TUBGCP2: variants seen among roughly 807,000 people sequenced by gnomAD.
TUBGCP2 encodes gamma-tubulin complex component 2.
Under a neutral mutation model 92.2 loss-of-function variants are expected in TUBGCP2, and 55 were observed. The ratio of observed to expected loss-of-function variants is 0.60; its 90% CI spans 0.48 to 0.75. The LOEUF (loss-of-function observed/expected upper bound fraction) is 0.75. Among genes scored for constraint, TUBGCP2 ranks in the 30% least tolerant of loss-of-function variants. The pLI is 0.00. For synonymous variants in TUBGCP2, 533 were observed against 505.2 expected (o/e 1.06, Z -0.74); for missense variants, 1,093 against 1,188.9 (o/e 0.92, Z 1.19).
At chr10:133,312,286 G>A, upstream of TUBGCP2, 1 of 1,249,602 alleles carries the variant, frequency 8.0e-7, no homozygotes, top group African/African-American at 1.5e-5. Flanking sequence ...TGTACTGTCT[G>A]CCTTTCTAGC....
intron 15 of TUBGCP2, among the ~76,000 whole-genome samples, chr10:133,282,832 C>A (rs1589821049): frequency 6.6e-6 from 1 of 152,236 alleles, no homozygotes; most frequent in Admixed American, 6.5e-5. Context: ...CGGACAGAGA[C>A]CAGCACCACA....
intron 11 of TUBGCP2, among the ~76,000 whole-genome samples, chr10:133,287,697 T>C (rs1019308027): frequency 6.6e-6 from 1 of 150,954 alleles, no homozygotes; most frequent in African/African-American, 2.4e-5. Flanking sequence ...GCTGAGATCA[T>C]GCCACTGCAC....
chr10:133,292,785 T>C (rs1018599753), intron 7 of TUBGCP2, 97 bp from the exon 8 acceptor site: 131 of 1,408,370 alleles, frequency 9.3e-5, no homozygotes, highest in Non-Finnish European at 1.2e-4. Flanking sequence ...TCCAACCTTC[T>C]TCCTGGGACG....
At chr10:133,284,399 G>C (rs1847076214) in intron 13 of TUBGCP2, among the ~76,000 whole-genome samples, 1 of 152,226 alleles carries the variant, frequency 6.6e-6, no homozygotes, top group Non-Finnish European at 1.5e-5. Flanking sequence ...GGGTCTTGCT[G>C]TCGCTCAGAC....
chr10:133,283,232 C>T lies in TUBGCP2; in HGVS notation c.2146-11G>A, dbSNP rs1431391902. On this transcript the variant is annotated splice_polypyrimidine_tract_variant and intron_variant, in intron 14 of 17. Transcript: ENST00000252936. ...GTCAATGTTGGAGGCCTGCGGGGAA[C>T]AGGCCAAGCCCCTTCTCAGAAAGAC... 6.2e-7 allele frequency: 1 copy of T among 1,613,872 alleles called. No individual in the cohort carries two copies. Among genetic ancestry groups the T allele is most frequent in the East Asian group, 2.2e-5 (1 of 44,866 alleles).
upstream of TUBGCP2, chr10:133,309,974 C>T (rs1431275507): frequency 1.2e-6 from 2 of 1,612,756 alleles, no homozygotes; most frequent in Admixed American, 3.3e-5. Context: ...AGAGGCAGGA[C>T]ATGGTGGGTG....
At chr10:133,300,998 T>C (rs2136136470) in intron 2 of TUBGCP2, among the ~76,000 whole-genome samples, 1 of 152,238 alleles carries the variant, frequency 6.6e-6, no homozygotes, top group African/African-American at 2.4e-5. Flanking sequence ...GAGTAGCGAC[T>C]TACCTTTTCC....
At chr10:133,289,777 G>A in intron 9 of TUBGCP2, 47 bp downstream of exon 9, 4 of 69,604 alleles carry the variant, frequency 5.7e-5, no homozygotes, top group East Asian at 5.1e-4. Context: ...AGACTCTCCA[G>A]GCAGAGCTGT....
rs765603563 is a variant in TUBGCP2, at chr10:133,283,973, C to T, written c.2054G>A (p.Arg685Gln). ...AATATTCTGGACGAAGTTGAGCATT[C>T]GCTGCCGCAGAGTGAAAGCCCCAGC... ...WFAGAFTLRQ[R>Q]MLNFVQNIQY... The change falls in exon 14 of 18, where the codon CGA (arginine) becomes CAA (glutamine). Residue 685 changes from arginine to glutamine, a missense_variant. Arg to Gln is a conservative substitution (Grantham distance 43). Transcript: ENST00000252936. The T allele has an allele frequency of 1.9e-5, 30 of 1,613,878 alleles. No individual in the cohort carries two copies. Among genetic ancestry groups the T allele is most frequent in the African/African-American group, 4.0e-5 (3 of 74,926 alleles).
At chr10:133,299,390 G>A in intron 4 of TUBGCP2, 37 bp downstream of exon 4, 2 of 1,528,262 alleles carry the variant, frequency 1.3e-6, no homozygotes, top group Admixed American at 2.0e-5. Context: ...AGGACCTGCT[G>A]CAGCATGGAG....
Position 133,282,305 on chromosome 10 carries a change from C to T in TUBGCP2, c.2327G>A (p.Gly776Asp), listed in dbSNP as rs753123920. ...GGTGCTGTGCTCCAGCGTCTGCCCG[C>T]CCAGCTCGCCATCTAATTTCATGCT... ...TQSMKLDGEL[G>D]GQTLEHSTVL... The change falls in exon 16 of 18, where the codon GGC becomes GAC. Residue 776 changes from glycine to aspartate, a missense_variant. Around this residue, in one of 3 missense-constraint regions of TUBGCP2, gnomAD observed 598 missense variants for 675.5 expected, o/e 0.89. Transcript: ENST00000252936. 3 of 1,606,126 alleles carry T rather than the reference C, an allele frequency of 1.9e-6. No individual in the cohort carries two copies. Among genetic ancestry groups the T allele is most frequent in the Non-Finnish European group, 2.6e-6 (3 of 1,174,902 alleles).
chr10:133,279,537 T>A lies in TUBGCP2; in HGVS notation c.*229A>T. 1 of 622,722 alleles carries A rather than the reference T, an allele frequency of 1.6e-6. No individual in the cohort carries two copies. Among genetic ancestry groups the A allele is most frequent in the Non-Finnish European group, 2.6e-6 (1 of 391,122 alleles). The allele number at this position is 622,722 out of a possible 1,614,324, so 38.6% of individuals were successfully genotyped here. A position where few individuals can be genotyped will look rare whatever the true frequency, so the allele number is the denominator to read the frequency against. On this transcript the variant is annotated 3_prime_UTR_variant, in exon 18 of 18. Coordinates refer to ENST00000252936, the MANE Select transcript of TUBGCP2 (RefSeq NM_006659.4). ...AACACCCAAAAAGGTGATAGTGTAA[T>A]TTCAAAAAGCAAACAGATTAGCAAA...
At chr10:133,291,849 T>TC (rs147302541) in intron 8 of TUBGCP2, among the ~76,000 whole-genome samples, 2 of 22,016 alleles carry the variant, frequency 9.1e-5, no homozygotes, top group East Asian at 3.6e-3. Flanking sequence ...TCCCTCCGTG[T>TC]CCCTGTGTCC....
At chr10:133,287,850 A>T (rs1262179788) in intron 11 of TUBGCP2, among the ~76,000 whole-genome samples, 1 of 152,220 alleles carries the variant, frequency 6.6e-6, no homozygotes, top group Non-Finnish European at 1.5e-5. Context: ...AGACAGATGG[A>T]GGGACACGTG....
intron 5 of TUBGCP2, among the ~76,000 whole-genome samples, chr10:133,294,008 G>A (rs868348898): frequency 3.3e-5 from 5 of 152,220 alleles, no homozygotes; most frequent in Admixed American, 6.5e-5. Flanking sequence ...CACCACACTC[G>A]GCTCCGCAAT....
chr10:133,306,438 C>T (rs1847819768), intron 1 of TUBGCP2, among the ~76,000 whole-genome samples: 1 of 152,178 alleles, frequency 6.6e-6, no homozygotes, highest in African/African-American at 2.4e-5. Flanking sequence ...ACTCCCCCAC[C>T]AGACACAAGT....
chr10:133,309,032 G>T (rs1484344799), upstream of TUBGCP2: 1 of 1,265,584 alleles, frequency 7.9e-7, no homozygotes, highest in African/African-American at 1.5e-5. Context: ...CCCGCGGCTG[G>T]GGCCGCGCCC....
chr10:133,293,453 G>C, intron 6 of TUBGCP2, 109 bp downstream of exon 6: 1 of 1,336,284 alleles, frequency 7.5e-7, no homozygotes, highest in South Asian at 1.4e-5. Flanking sequence ...TGTCACCAAG[G>C]CGGGCGCTCT....
At position 133,297,949 on chromosome 10, in the gene TUBGCP2, T is replaced by C. The variant is rs1476012890; in HGVS notation, c.616+3A>G. 1 of 1,612,916 alleles carries C rather than the reference T, an allele frequency of 6.2e-7. No individual in the cohort carries two copies. The highest frequency in any genetic ancestry group is 8.5e-7 in the Non-Finnish European group (1 of 1,179,676). On this transcript the variant is annotated splice_donor_region_variant and intron_variant, in intron 5 of 17. Transcript: ENST00000252936. ...AGAGCCCGGAAATCAACGCATCACG[T>C]ACCTATCGGCAAAGCGGTGTCTGTG...
Sources: allele counts gnomAD v4.1 joint callset (sites outside exome capture counted in the v4.1 genomes callset), GRCh38; gene constraint gnomAD v4.1.1; regional missense constraint gnomAD v4.1.1; transcripts MANE v1.5; gene names NCBI Gene and HGNC (gene_info 2026-07-23, HGNC 2026-07-21).